Variants in WWOX observed in about 807,000 individuals in gnomAD.
WWOX encodes the protein WW domain-containing oxidoreductase.
WWOX carries 69 observed loss-of-function variants against 46.2 expected under a neutral mutation model. The observed-to-expected ratio is 1.49, with a 90% CI of 1.23 to 1.82. The LOEUF is 1.82. Among genes scored for constraint, WWOX ranks in the 40% most tolerant of loss-of-function variants. The pLI, the probability that WWOX is intolerant of heterozygous loss-of-function variation, is 0.00. For synonymous variants in WWOX, 359 were observed against 202.6 expected, an observed-to-expected ratio of 1.77 and a Z score of -6.56; for missense variants, 919 against 542.6, an observed-to-expected ratio of 1.69 and a Z score of -6.89.
chr16:78,144,429 C>CTATATATATATATATATGTATATATATA, intron 4 of WWOX, among the ~76,000 whole-genome samples: 1 of 15,398 alleles, frequency 6.5e-5, no homozygotes, highest in South Asian at 2.8e-3. Context: ...TTTGCCATTA[C>CTATATATATATATATATGTATATATATA]TATATATATA....
chr16:79,176,406 G>C (rs1233440551), intron 8 of WWOX, among the ~76,000 whole-genome samples: 1 of 152,184 alleles, frequency 6.6e-6, no homozygotes, highest in Non-Finnish European at 1.5e-5. Flanking sequence ...CTGAAAAGTA[G>C]GATGTCAAAT....
At chr16:78,675,944 T>C (rs553836120) in intron 8 of WWOX, among the ~76,000 whole-genome samples, 1 of 152,088 alleles carries the variant, frequency 6.6e-6, no homozygotes, top group South Asian at 2.1e-4. Context: ...TTTAAATCCT[T>C]CTCTGTCCCA....
chr16:78,621,592 C>CTTTTTTTTTTTATTTTTTTTTT (rs2046185084), intron 8 of WWOX, among the ~76,000 whole-genome samples: 1 of 31,512 alleles, frequency 3.2e-5, no homozygotes, highest in Non-Finnish European at 5.9e-5. Flanking sequence ...TTGTTCTAAT[C>CTTTTTTTTTTTATTTTTTTTTT]TTTTTTTTTT....
chr16:78,588,344 TTTA>T (rs1408898171), intron 8 of WWOX, among the ~76,000 whole-genome samples: 2 of 152,176 alleles, frequency 1.3e-5, no homozygotes, highest in Non-Finnish European at 2.9e-5. Context: ...CCCAGCCTGA[TTTA>T]TTGAGGCTGC....
intron 8 of WWOX, among the ~76,000 whole-genome samples, chr16:78,557,365 C>G (rs2044323865): frequency 6.6e-6 from 1 of 152,218 alleles, no homozygotes; most frequent in Admixed American, 6.5e-5. Context: ...CCGCACCGGG[C>G]TCTTGGGAAT....
At chr16:78,515,202 C>T (rs570049651) in intron 8 of WWOX, among the ~76,000 whole-genome samples, 3 of 152,218 alleles carry the variant, frequency 2.0e-5, no homozygotes, top group Admixed American at 6.5e-5. Flanking sequence ...CCAGCCTAGG[C>T]GACAGAGCGA....
At chr16:78,686,058 A>T (rs931260011) in intron 8 of WWOX, among the ~76,000 whole-genome samples, 2 of 152,162 alleles carry the variant, frequency 1.3e-5, no homozygotes, top group Non-Finnish European at 2.9e-5. Context: ...AAGGAAAAGA[A>T]AGTGCAAGTA....
rs143010091 is a variant in WWOX at position 79,148,281 on chromosome 16, A to T, written c.1057-63327A>T. Among the ~76,000 whole-genome samples, 215 of 152,284 alleles carry T rather than the reference A, an allele frequency of 1.4e-3. 1 individual carries two copies. The highest frequency in any genetic ancestry group is 4.7e-3 in the African/African-American group (195 of 41,558). On this transcript the variant is annotated intron_variant, in intron 8 of 8. Transcript: ENST00000566780. ...TGTGAGGTTAAGGTCAAGTCTAATA[A>T]ATTTTGCCTAGGAACATCTCATTGT... is the stretch of plus-strand genomic sequence containing the variant.
At chr16:79,092,861 C>T (rs1002766596) in intron 8 of WWOX, among the ~76,000 whole-genome samples, 1 of 152,188 alleles carries the variant, frequency 6.6e-6, no homozygotes, top group South Asian at 2.1e-4. Flanking sequence ...TCATAACCCC[C>T]CAGCTCCATA....
intron 8 of WWOX, among the ~76,000 whole-genome samples, chr16:78,642,316 G>C (rs1012466921): frequency 1.3e-5 from 2 of 152,214 alleles, no homozygotes; most frequent in African/African-American, 4.8e-5. Flanking sequence ...CTAGGAATCA[G>C]AGTTGGGATT....
intron 8 of WWOX, among the ~76,000 whole-genome samples, chr16:78,509,845 T>G (rs1395207096): frequency 1.3e-5 from 2 of 151,548 alleles, no homozygotes; most frequent in African/African-American, 4.9e-5. Flanking sequence ...TTCAGCACTT[T>G]GGGAGGCCGA....
At chr16:78,104,693 G>T (rs778182025) in intron 1 of WWOX, among the ~76,000 whole-genome samples, 1 of 152,014 alleles carries the variant, frequency 6.6e-6, no homozygotes, top group African/African-American at 2.4e-5. Flanking sequence ...AATGCTTAGG[G>T]GACATGTGTT....
chr16:78,158,677 T>A (rs1385926914), intron 4 of WWOX, among the ~76,000 whole-genome samples: 1 of 152,192 alleles, frequency 6.6e-6, no homozygotes, highest in South Asian at 2.1e-4. Flanking sequence ...CTTCTTTGGG[T>A]TCATAGGATC....
At chr16:78,849,124 A>T (rs1364471286) in intron 8 of WWOX, among the ~76,000 whole-genome samples, 1 of 152,164 alleles carries the variant, frequency 6.6e-6, no homozygotes, top group African/African-American at 2.4e-5. Context: ...TCTATACAGT[A>T]ACTCAACATT....
At chr16:78,133,274 T>C (rs529937202) in intron 4 of WWOX, among the ~76,000 whole-genome samples, 12 of 152,328 alleles carry the variant, frequency 7.9e-5, no homozygotes, top group Middle Eastern at 3.4e-3. Context: ...TTTTACTTTT[T>C]TTGAAAGATG....
chr16:78,528,080 G>T (rs2043523948), intron 8 of WWOX, among the ~76,000 whole-genome samples: 1 of 136,196 alleles, frequency 7.3e-6, no homozygotes, highest in Admixed American at 8.3e-5. Context: ...CTCACTGCAA[G>T]TTCTGCCTCC....
intron 8 of WWOX, among the ~76,000 whole-genome samples, chr16:79,103,672 A>G (rs1013752195): frequency 6.6e-6 from 1 of 152,238 alleles, no homozygotes; most frequent in African/African-American, 2.4e-5. Context: ...TATCCAGTCC[A>G]TGCATATTAG....
chr16:78,647,767 C>T (rs1276711757), intron 8 of WWOX, among the ~76,000 whole-genome samples: 1 of 152,160 alleles, frequency 6.6e-6, no homozygotes, highest in African/African-American at 2.4e-5. Flanking sequence ...CTAACTGGAC[C>T]CAAGACAGAA....
intron 8 of WWOX, among the ~76,000 whole-genome samples, chr16:78,567,837 G>A (rs1173329518): frequency 6.6e-6 from 1 of 152,104 alleles, no homozygotes; most frequent in Admixed American, 6.5e-5. Flanking sequence ...CCCATTACCG[G>A]CTGGAGTGAC....
Sources: gnomAD v4.1 joint callset for allele counts (sites outside exome capture counted in the v4.1 genomes callset) on GRCh38, gnomAD v4.1.1 for gene constraint, MANE v1.5 for transcripts, NCBI Gene and HGNC (gene_info 2026-07-23, HGNC 2026-07-21) for gene names.